The following MYCBP2 variants were observed in gnomAD, a reference collection of about 807,000 sequenced individuals.
The protein encoded by MYCBP2 is E3 ubiquitin-protein ligase MYCBP2.
Under a neutral mutation model 525.3 loss-of-function variants are expected in MYCBP2, and 120 were observed. The observed-to-expected ratio is 0.23, with a 90% confidence interval of 0.20 to 0.27. The LOEUF (loss-of-function observed/expected upper bound fraction) is 0.27, where lower values mean the gene tolerates loss of function less well. MYCBP2 is among the 10% of genes least tolerant of loss of function. The probability of loss-of-function intolerance (pLI) is 1.00; values close to 1 mark genes in which losing one functional copy is unlikely to be tolerated. For synonymous variants in MYCBP2, 1,894 were observed against 1,955.8 expected, an observed-to-expected ratio of 0.97 and a Z score of 0.83; for missense variants, 4,149 against 5,657.1, an observed-to-expected ratio of 0.73 and a Z score of 8.55.
chr13:77,250,223 A>AG (rs1350982901), intron 15 of MYCBP2, among the ~76,000 whole-genome samples: 1 of 32,430 alleles, frequency 3.1e-5, no homozygotes, highest in Non-Finnish European at 2.0e-4. Context: ...ACTCCGTCTC[A>AG]AAAAAAAAAA....
intron 55 of MYCBP2, chr13:77,118,242 A>C (rs2050112560): frequency 3.3e-6 from 2 of 599,938 alleles, no homozygotes; most frequent in Admixed American, 2.9e-5. Context: ...ATTAAAAAAA[A>C]CCAGTCAGGT....
intron 1 of MYCBP2, among the ~76,000 whole-genome samples, chr13:77,320,976 G>A (rs1202097466): frequency 1.3e-5 from 2 of 152,134 alleles, no homozygotes; most frequent in Non-Finnish European, 2.9e-5. Context: ...GGGTAGGAGG[G>A]CCTGACAGAA....
Position 77,171,643 on chromosome 13 carries a change from T to A in MYCBP2, c.5652-9A>T. 6.2e-7 allele frequency: 1 copy of A among 1,612,712 alleles called. No individual in the cohort carries two copies. The highest frequency in any genetic ancestry group is 8.5e-7 in the Non-Finnish European group (1 of 1,179,218). ...CTCCATCAAATTCACTCCTGTAGCA[T>A]GAGCAAACATGAGATTATTTTACAA... On this transcript the variant is annotated splice_polypyrimidine_tract_variant and intron_variant, in intron 37 of 82. Transcript: ENST00000544440.
Position 77,097,780 on chromosome 13 carries a change from T to A in MYCBP2, c.9374A>T (p.Lys3125Met). 6.2e-7 allele frequency: 1 copy of A among 1,613,800 alleles called. No homozygotes were observed. The highest frequency in any genetic ancestry group is 8.5e-7 in the Non-Finnish European group (1 of 1,179,816). Residue 3125 changes from lysine to methionine, a missense_variant, in exon 56 of 83, where the codon AAG becomes ATG. Coordinates refer to ENST00000544440, the MANE Select transcript of MYCBP2 (RefSeq NM_015057.5). ...ACATTTTTCATGCAGAGGTGGTTCC[T>A]TAAGCATAGACAATACCTTGTTTTT... ...INKNKVLSML[K>M]EPPLHEKCED...
Position 77,150,716 on chromosome 13 carries a change from A to G in MYCBP2, c.7131+18T>C, listed in dbSNP as rs376535637. 53 of 1,598,770 alleles carry G rather than the reference A, an allele frequency of 3.3e-5. No individual in the cohort carries two copies. The African/African-American group carries it at 5.8e-4, about 17-fold the overall frequency. On this transcript the variant is annotated intron_variant, in intron 47 of 82. Transcript: ENST00000544440. ...AATGCTGAAAACTAAAATTTTTCTG[A>G]TAAGTAAAATAAATTACCTTCATCA...
intron 27 of MYCBP2, 106 bp from the exon 28 acceptor site, chr13:77,191,919 T>C: frequency 9.3e-7 from 1 of 1,077,898 alleles, no homozygotes; most frequent in Non-Finnish European, 1.3e-6. Flanking sequence ...CTAACTGTAT[T>C]ATAAAATTCT....
intron 20 of MYCBP2, among the ~76,000 whole-genome samples, chr13:77,222,773 A>G (rs1186082501): frequency 6.6e-6 from 1 of 152,212 alleles, no homozygotes; most frequent in Non-Finnish European, 1.5e-5. Context: ...AATCTTTACC[A>G]TGTAAATGGC....
chr13:77,118,382 C>G (rs1202147112), intron 55 of MYCBP2: 7 of 763,798 alleles, frequency 9.2e-6, no homozygotes, highest in Non-Finnish European at 1.4e-5. Context: ...TGTCCGAACA[C>G]AAATGGGCTG....
intron 55 of MYCBP2, among the ~76,000 whole-genome samples, chr13:77,107,516 T>C (rs765884991): frequency 3.3e-5 from 5 of 152,040 alleles, no homozygotes; most frequent in Non-Finnish European, 7.4e-5. Context: ...GCAATCAAAT[T>C]GCTTGAGCCC....
At chr13:77,302,402 G>A (rs2078900717) in intron 1 of MYCBP2, among the ~76,000 whole-genome samples, 1 of 145,946 alleles carries the variant, frequency 6.9e-6, no homozygotes, top group African/African-American at 2.5e-5. Context: ...GTGGTAGAGT[G>A]GAGGGATGGG....
At chr13:77,103,528 C>T (rs2047393015) in intron 55 of MYCBP2, among the ~76,000 whole-genome samples, 2 of 151,898 alleles carry the variant, frequency 1.3e-5, no homozygotes, top group African/African-American at 4.8e-5. Flanking sequence ...GTGTTAAGGT[C>T]CAAATTTGTT....
chr13:77,135,842 C>CT (rs796942698), intron 52 of MYCBP2, among the ~76,000 whole-genome samples: 146 of 145,014 alleles, frequency 1.0e-3, no homozygotes, highest in South Asian at 4.8e-3. Flanking sequence ...TCTTTTTTTT[C>CT]TTTTTTTTTT....
At chr13:77,074,448 G>A (rs980240008) in intron 68 of MYCBP2, among the ~76,000 whole-genome samples, 2 of 152,172 alleles carry the variant, frequency 1.3e-5, no homozygotes, top group Non-Finnish European at 2.9e-5. Context: ...AGAAAAAACT[G>A]GACTTTATCA....
intron 1 of MYCBP2, among the ~76,000 whole-genome samples, chr13:77,307,959 T>TA (rs2154373852): frequency 6.6e-6 from 1 of 152,294 alleles, no homozygotes; most frequent in South Asian, 2.1e-4. Context: ...TTACTACATA[T>TA]ATCACTTCTA....
At chr13:77,100,005 C>CAGTGCAAGTGA (rs2046823086) in intron 55 of MYCBP2, 1 of 152,040 alleles carries the variant, frequency 6.6e-6, no homozygotes, top group African/African-American at 2.4e-5. Context: ...ATAAAAACTT[C>CAGTGCAAGTGA]TACTCTTAGT....
At chr13:77,301,080 T>A (rs1026217013) in intron 1 of MYCBP2, among the ~76,000 whole-genome samples, 3 of 152,080 alleles carry the variant, frequency 2.0e-5, no homozygotes, top group South Asian at 2.1e-4. Flanking sequence ...CAGTGGTATA[T>A]CTCCTCAGAA....
At chr13:77,308,780 T>G (rs2079778798) in intron 1 of MYCBP2, among the ~76,000 whole-genome samples, 1 of 152,200 alleles carries the variant, frequency 6.6e-6, no homozygotes, top group African/African-American at 2.4e-5. Context: ...CCAGTTACCC[T>G]GATGGGGAAC....
chr13:77,301,089 A>G (rs1339579780), intron 1 of MYCBP2, among the ~76,000 whole-genome samples: 1 of 152,104 alleles, frequency 6.6e-6, no homozygotes, highest in African/African-American at 2.4e-5. Flanking sequence ...ATCTCCTCAG[A>G]AATGTAACTG....
At chr13:77,237,422 G>T (rs1250958834) in intron 17 of MYCBP2, among the ~76,000 whole-genome samples, 2 of 151,934 alleles carry the variant, frequency 1.3e-5, no homozygotes, top group African/African-American at 2.4e-5. Context: ...TTGAGGGGGG[G>T]ATGGAAATGG....
Sources: allele counts gnomAD v4.1 joint callset (sites outside exome capture counted in the v4.1 genomes callset), GRCh38; gene constraint gnomAD v4.1.1; transcripts MANE v1.5; gene names NCBI Gene and HGNC (gene_info 2026-07-23, HGNC 2026-07-21).